NPAS3: variants seen among roughly 807,000 people sequenced by gnomAD.
The protein encoded by NPAS3 is neuronal PAS domain-containing protein 3.
Under a neutral mutation model 73.1 loss-of-function variants are expected in NPAS3, and 14 were observed. The observed-to-expected ratio is 0.19, with a 90% CI of 0.13 to 0.30. NPAS3 has a LOEUF of 0.30. NPAS3 is among the 10% of genes least tolerant of loss of function. NPAS3 has a pLI of 1.00. For missense variants in NPAS3, 1,096 were observed against 1,250.0 expected (o/e 0.88, Z 1.86); for synonymous variants, 620 against 541.5 (o/e 1.14, Z -2.01).
At chr14:33,224,547 A>T (rs1390680095) in intron 3 of NPAS3, among the ~76,000 whole-genome samples, 1 of 152,056 alleles carries the variant, frequency 6.6e-6, no homozygotes, top group Non-Finnish European at 1.5e-5. Flanking sequence ...TTTTTTTGTT[A>T]AAAGACCAGA....
intron 1 of NPAS3, among the ~76,000 whole-genome samples, chr14:33,028,577 T>A (rs1249988973): frequency 6.6e-6 from 1 of 152,228 alleles, no homozygotes; most frequent in East Asian, 1.9e-4. Context: ...CTCTGTGGAA[T>A]TTATATTTAT....
chr14:33,678,732 T>C (rs183160260), intron 6 of NPAS3, among the ~76,000 whole-genome samples: 32 of 143,084 alleles, frequency 2.2e-4, no homozygotes, highest in African/African-American at 8.6e-4. Context: ...CCCAAATACA[T>C]GTTGACAGTG....
chr14:33,487,460 T>G (rs2051666219), intron 4 of NPAS3, among the ~76,000 whole-genome samples: 1 of 152,206 alleles, frequency 6.6e-6, no homozygotes, highest in Non-Finnish European at 1.5e-5. Flanking sequence ...TATCGAGGAC[T>G]TGATTACAGG....
At chr14:33,558,439 A>G (rs2055468446) in intron 4 of NPAS3, among the ~76,000 whole-genome samples, 1 of 152,044 alleles carries the variant, frequency 6.6e-6, no homozygotes, top group Non-Finnish European at 1.5e-5. Context: ...TTGTATTTTT[A>G]GTAGAGATGG....
At chr14:33,398,136 G>A (rs1049877233) in intron 4 of NPAS3, among the ~76,000 whole-genome samples, 1 of 152,014 alleles carries the variant, frequency 6.6e-6, no homozygotes, top group African/African-American at 2.4e-5. Flanking sequence ...TAGAGAGAAG[G>A]TTTTTCCTAC....
chr14:33,598,649 TG>T (rs1163050531), intron 5 of NPAS3, among the ~76,000 whole-genome samples: 2 of 152,266 alleles, frequency 1.3e-5, no homozygotes, highest in Non-Finnish European at 2.9e-5. Flanking sequence ...GGGACTTTAT[TG>T]TATGCTAACT....
At chr14:33,222,334 G>C (rs1380243147) in intron 3 of NPAS3, among the ~76,000 whole-genome samples, 1 of 152,170 alleles carries the variant, frequency 6.6e-6, no homozygotes, top group African/African-American at 2.4e-5. Flanking sequence ...AGGTCAGAGA[G>C]AATATCTTTT....
At chr14:33,442,273 T>A (rs943473247) in intron 4 of NPAS3, among the ~76,000 whole-genome samples, 1 of 152,112 alleles carries the variant, frequency 6.6e-6, no homozygotes, top group Non-Finnish European at 1.5e-5. Context: ...CAGATCTCAG[T>A]CATAAGAATG....
intron 3 of NPAS3, among the ~76,000 whole-genome samples, chr14:33,230,496 C>T (rs1385717440): frequency 6.6e-6 from 1 of 152,128 alleles, no homozygotes; most frequent in Non-Finnish European, 1.5e-5. Flanking sequence ...ATAGAATCCT[C>T]ATCTTTTATT....
At chr14:33,756,486 G>A (rs938355827) in intron 7 of NPAS3, among the ~76,000 whole-genome samples, 9 of 152,188 alleles carry the variant, frequency 5.9e-5, no homozygotes, top group African/African-American at 2.2e-4. Flanking sequence ...AATTGGGAGT[G>A]GCAAGAGATG....
intron 4 of NPAS3, among the ~76,000 whole-genome samples, chr14:33,401,206 A>G (rs911974640): frequency 6.6e-6 from 1 of 152,168 alleles, no homozygotes; most frequent in African/African-American, 2.4e-5. Flanking sequence ...ATAAGTCTGA[A>G]AATTGTATTT....
intron 3 of NPAS3, among the ~76,000 whole-genome samples, chr14:33,301,873 A>T (rs2042564814): frequency 6.6e-6 from 1 of 152,200 alleles, no homozygotes; most frequent in Non-Finnish European, 1.5e-5. Context: ...AATGATAGGT[A>T]CTAACTTCCT....
chr14:33,752,911 G>T lies in NPAS3; in HGVS notation c.852+17579G>T, dbSNP rs72664566. On this transcript the variant is annotated intron_variant, in intron 7 of 11. Coordinates refer to ENST00000356141, the Ensembl canonical transcript of NPAS3. ...AAAACAGGATTCACCCATAATATGG[G>T]CACTTAGCAAGAAAAATGGGCCAGA... is the stretch of plus-strand genomic sequence containing the variant. Among the ~76,000 whole-genome samples, 1,407 of 152,130 alleles carry T rather than the reference G, an allele frequency of 9.2e-3. 10 individuals are homozygous for T. The highest frequency in any genetic ancestry group is 0.013 in the Non-Finnish European group (888 of 68,010).
At chr14:33,038,506 T>C (rs1244702589) in intron 1 of NPAS3, among the ~76,000 whole-genome samples, 1 of 149,280 alleles carries the variant, frequency 6.7e-6, no homozygotes, top group Non-Finnish European at 1.5e-5. Context: ...TGTCTATTTA[T>C]ACATCTACAT....
intron 3 of NPAS3, among the ~76,000 whole-genome samples, chr14:33,320,861 G>A (rs545667040): frequency 1.6e-4 from 25 of 152,028 alleles, no homozygotes; most frequent in Middle Eastern, 3.4e-3. Flanking sequence ...TGGGATAGAT[G>A]GTTAGATGTA....
At chr14:33,208,837 A>G (rs1400102633) in intron 2 of NPAS3, among the ~76,000 whole-genome samples, 1 of 152,206 alleles carries the variant, frequency 6.6e-6, no homozygotes, top group Non-Finnish European at 1.5e-5. Flanking sequence ...CTGGTTTTAT[A>G]TATTGTGTGA....
intron 1 of NPAS3, among the ~76,000 whole-genome samples, chr14:32,960,373 T>C (rs1360511559): frequency 1.3e-5 from 2 of 152,094 alleles, no homozygotes; most frequent in South Asian, 2.1e-4. Context: ...AAAGTAAAAA[T>C]AAAATCAGAT....
intron 1 of NPAS3, among the ~76,000 whole-genome samples, chr14:33,051,262 C>G (rs1476473147): frequency 7.6e-6 from 1 of 132,018 alleles, no homozygotes; most frequent in African/African-American, 3.2e-5. Flanking sequence ...GCCTGGGCAA[C>G]AGAGCGAGAC....
chr14:33,568,217 A>T (rs1398661315), intron 5 of NPAS3, among the ~76,000 whole-genome samples: 1 of 152,226 alleles, frequency 6.6e-6, no homozygotes, highest in Non-Finnish European at 1.5e-5. Context: ...GAGCAAAAGT[A>T]AGATTAAGAA....
Sources: gnomAD v4.1 joint callset for allele counts (sites outside exome capture counted in the v4.1 genomes callset) on GRCh38, gnomAD v4.1.1 for gene constraint, MANE v1.5 for transcripts, NCBI Gene and HGNC (gene_info 2026-07-23, HGNC 2026-07-21) for gene names.